The following RIMS2 variants were observed in gnomAD, a reference collection of about 807,000 sequenced individuals.
RIMS2 encodes the protein regulating synaptic membrane exocytosis protein 2.
RIMS2 carries 59 observed loss-of-function variants against 174.4 expected under a neutral mutation model. The ratio of observed to expected loss-of-function variants is 0.34; its 90% CI spans 0.27 to 0.42. RIMS2 has a LOEUF of 0.42. RIMS2 is among the 10% of genes least tolerant of loss of function. The probability of loss-of-function intolerance (pLI) is 1.00; values close to 1 mark genes in which losing one functional copy is unlikely to be tolerated. For missense variants in RIMS2, 1,620 were observed against 1,666.3 expected (o/e 0.97, Z 0.48); for synonymous variants, 606 against 572.5 (o/e 1.06, Z -0.84).
chr8:104,239,486 C>T (rs1486615324), intron 19 of RIMS2, among the ~76,000 whole-genome samples: 1 of 152,044 alleles, frequency 6.6e-6, no homozygotes, highest in Non-Finnish European at 1.5e-5. Context: ...TGGGCCTTAC[C>T]TGAGTATTTT....
chr8:103,905,894 C>T (rs10088414), intron 4 of RIMS2, among the ~76,000 whole-genome samples: 1,773 of 151,556 alleles, frequency 0.012, 34 homozygotes, highest in African/African-American at 0.039. Context: ...TGGTTGAGCC[C>T]ATCAATTTGC....
chr8:103,751,723 T>G (rs1007451990), intron 2 of RIMS2, among the ~76,000 whole-genome samples: 14 of 151,232 alleles, frequency 9.3e-5, no homozygotes, highest in South Asian at 2.1e-4. Flanking sequence ...TTTCATGTGT[T>G]TTTTGGCTGC....
chr8:103,630,580 C>CAAAAAAAAA (rs61194218), intron 1 of RIMS2, among the ~76,000 whole-genome samples: 23 of 86,968 alleles, frequency 2.6e-4, no homozygotes, highest in African/African-American at 4.4e-4. Context: ...AACTCCATCT[C>CAAAAAAAAA]AAAAAAAAAA....
At chr8:104,190,979 A>C (rs941287939) in intron 19 of RIMS2, among the ~76,000 whole-genome samples, 1 of 151,460 alleles carries the variant, frequency 6.6e-6, no homozygotes, top group Non-Finnish European at 1.5e-5. Context: ...TGATGTGGGA[A>C]GCAGTAGACA....
At chr8:103,992,274 A>ATTTTTTGTTTTTTT (rs2094763345) in intron 17 of RIMS2, among the ~76,000 whole-genome samples, 1 of 107,106 alleles carries the variant, frequency 9.3e-6, no homozygotes, top group Non-Finnish European at 1.8e-5. Flanking sequence ...ATGTCCAGCT[A>ATTTTTTGTTTTTTT]TTTTTTTTTT....
At chr8:103,606,070 C>A (rs1439048890) in intron 1 of RIMS2, among the ~76,000 whole-genome samples, 2 of 146,918 alleles carry the variant, frequency 1.4e-5, no homozygotes, top group African/African-American at 5.1e-5. Flanking sequence ...TCTTGCTTTT[C>A]TAGTTCTTTT....
intron 2 of RIMS2, among the ~76,000 whole-genome samples, chr8:103,742,219 A>T (rs1052417808): frequency 6.6e-6 from 1 of 152,058 alleles, no homozygotes; most frequent in Non-Finnish European, 1.5e-5. Flanking sequence ...GGATATAAAG[A>T]TCCTGAAGAT....
intron 1 of RIMS2, among the ~76,000 whole-genome samples, chr8:103,608,855 C>G (rs1243503714): frequency 6.6e-6 from 1 of 152,220 alleles, no homozygotes; most frequent in African/African-American, 2.4e-5. Flanking sequence ...TTGGCTCGCG[C>G]ACGGTGCACG....
intron 3 of RIMS2, among the ~76,000 whole-genome samples, chr8:103,868,699 G>A (rs776411550): frequency 2.0e-5 from 3 of 151,776 alleles, no homozygotes; most frequent in Non-Finnish European, 2.9e-5. Flanking sequence ...TTTTTTCTTT[G>A]TAAAACTTTT....
intron 19 of RIMS2, among the ~76,000 whole-genome samples, chr8:104,099,839 C>T (rs773138291): frequency 1.3e-5 from 2 of 148,678 alleles, no homozygotes; most frequent in Non-Finnish European, 3.0e-5. Context: ...TTTTTTGAGA[C>T]AGCATCTCAC....
chr8:103,834,678 T>TTC, intron 3 of RIMS2, among the ~76,000 whole-genome samples: 1 of 39,688 alleles, frequency 2.5e-5, no homozygotes, highest in South Asian at 9.9e-4. Flanking sequence ...TGAGGTCTTT[T>TTC]TCTTTCTTTC....
chr8:104,163,652 A>G (rs570318217), intron 19 of RIMS2, among the ~76,000 whole-genome samples: 2 of 152,350 alleles, frequency 1.3e-5, no homozygotes, highest in South Asian at 2.1e-4. Context: ...GGACTGATAC[A>G]GTGGAAAAGT....
intron 1 of RIMS2, among the ~76,000 whole-genome samples, chr8:103,533,208 A>G (rs748681361): frequency 1.1e-4 from 17 of 152,236 alleles, no homozygotes; most frequent in Non-Finnish European, 2.2e-4. Flanking sequence ...ATCATATTTG[A>G]TTGCAGGAAC....
At chr8:104,191,932 T>C (rs2098999984) in intron 19 of RIMS2, among the ~76,000 whole-genome samples, 1 of 152,136 alleles carries the variant, frequency 6.6e-6, no homozygotes, top group African/African-American at 2.4e-5. Context: ...TAAATTATCT[T>C]ATGCCCTGGA....
At chr8:103,916,454 A>C (rs1565292593) in exon 8 of RIMS2, 1 of 1,610,046 alleles carries the variant, frequency 6.2e-7, no homozygotes, top group East Asian at 2.2e-5. Context: ...TACTGCAAGG[A>C]GCCACATTTG....
At chr8:103,799,422 C>T (rs969567588) in intron 3 of RIMS2, among the ~76,000 whole-genome samples, 1 of 152,136 alleles carries the variant, frequency 6.6e-6, no homozygotes, top group Non-Finnish European at 1.5e-5. Context: ...AACTGTGAGT[C>T]AGTGAACATC....
chr8:104,013,641 G>T lies in RIMS2; in HGVS notation c.3224+20G>T. On this transcript the variant is annotated intron_variant, in intron 18 of 23. Coordinates refer to ENST00000504942, the Ensembl canonical transcript of RIMS2. ...ATCGAGGTGAAAGATAAATCAATCA[G>T]ACTAATTTCCCCTTTGCCCCACCAG... 1 of 1,606,922 alleles carries T rather than the reference G, an allele frequency of 6.2e-7. No individual in the cohort carries two copies. The highest frequency in any genetic ancestry group is 1.1e-5 in the South Asian group (1 of 90,664).
chr8:103,967,851 CTTTTT>C (rs1183741701), intron 15 of RIMS2, among the ~76,000 whole-genome samples: 2 of 109,556 alleles, frequency 1.8e-5, no homozygotes, highest in African/African-American at 7.3e-5. Context: ...CCTACTCCTG[CTTTTT>C]TTTTTTTTTT....
intron 1 of RIMS2, among the ~76,000 whole-genome samples, chr8:103,615,737 C>G (rs1384446830): frequency 6.6e-6 from 1 of 152,146 alleles, no homozygotes; most frequent in East Asian, 1.9e-4. Flanking sequence ...GAAACTACTA[C>G]AAACACCTCT....
Sources: gnomAD v4.1 joint callset for allele counts (sites outside exome capture counted in the v4.1 genomes callset) on GRCh38, gnomAD v4.1.1 for gene constraint, MANE v1.5 for transcripts, NCBI Gene and HGNC (gene_info 2026-07-23, HGNC 2026-07-21) for gene names.